The following ETV6 variants were observed in gnomAD, a reference collection of about 807,000 sequenced individuals.
ETV6 encodes ETS variant transcription factor 6.
In ETV6, 16 loss-of-function variants were observed where a neutral mutation model predicts 51.1. The observed-to-expected ratio is 0.31, with a 90% CI of 0.21 to 0.48. The LOEUF is 0.48. Among genes scored for constraint, ETV6 ranks in the 20% least tolerant of loss-of-function variants. The pLI, the probability that ETV6 is intolerant of heterozygous loss-of-function variation, is 0.99. For missense variants in ETV6, 458 were observed against 594.8 expected (o/e 0.77, Z 2.39); for synonymous variants, 240 against 224.1 (o/e 1.07, Z -0.64).
intron 1 of ETV6, among the ~76,000 whole-genome samples, chr12:11,671,843 T>G (rs766979016): frequency 2.6e-5 from 4 of 152,168 alleles, no homozygotes; most frequent in Non-Finnish European, 4.4e-5. Context: ...AATAACAGAT[T>G]GGTTCAAGTC....
chr12:11,687,901 C>G (rs1459691163), intron 1 of ETV6, among the ~76,000 whole-genome samples: 1 of 152,234 alleles, frequency 6.6e-6, no homozygotes, highest in Non-Finnish European at 1.5e-5. Context: ...ATGGTAGCAA[C>G]AGCAGCCAGC....
intron 1 of ETV6, among the ~76,000 whole-genome samples, chr12:11,689,635 G>A (rs992198577): frequency 6.6e-6 from 1 of 151,864 alleles, no homozygotes; most frequent in African/African-American, 2.4e-5. Flanking sequence ...AAAATAAGCT[G>A]GCATCAACTG....
chr12:11,812,983 C>T lies in ETV6; in HGVS notation c.164-26157C>T, dbSNP rs547236051. Among the ~76,000 whole-genome samples, 5 of 152,224 alleles carry T rather than the reference C, an allele frequency of 3.3e-5. No individual in the cohort carries two copies. In the South Asian group the frequency reaches 8.3e-4, roughly 25 times the overall value. On this transcript the variant is annotated intron_variant, in intron 2 of 7. Transcript: ENST00000396373. ...CCGGAGGCCCCAGGAACCCTGGCTG[C>T]GGTGACCCGGTGCTGGGGAGGGAGT...
chr12:11,680,176 A>C (rs1258746297), intron 1 of ETV6, among the ~76,000 whole-genome samples: 1 of 152,220 alleles, frequency 6.6e-6, no homozygotes, highest in African/African-American at 2.4e-5. Flanking sequence ...CAGCTATCTG[A>C]GGCATTCCCA....
chr12:11,738,154 T>C (rs1865739148), intron 1 of ETV6, among the ~76,000 whole-genome samples: 1 of 152,110 alleles, frequency 6.6e-6, no homozygotes, highest in African/African-American at 2.4e-5. Flanking sequence ...ATAGAAAGCC[T>C]ATGCTGCTCT....
At chr12:11,711,646 T>C (rs549970155) in intron 1 of ETV6, among the ~76,000 whole-genome samples, 6 of 152,230 alleles carry the variant, frequency 3.9e-5, no homozygotes, top group Non-Finnish European at 5.9e-5. Flanking sequence ...TTTCCAAACA[T>C]TTATCCTTAA....
At chr12:11,746,779 T>G (rs1158098157) in intron 1 of ETV6, among the ~76,000 whole-genome samples, 4 of 121,902 alleles carry the variant, frequency 3.3e-5, no homozygotes, top group Non-Finnish European at 6.6e-5. Context: ...TTGCTAATGC[T>G]CTCTCTCTCT....
chr12:11,681,885 C>A (rs1864537432), intron 1 of ETV6, among the ~76,000 whole-genome samples: 1 of 152,170 alleles, frequency 6.6e-6, no homozygotes, highest in Admixed American at 6.5e-5. Context: ...CATGTTCCTG[C>A]AAAGGACATG....
At chr12:11,669,578 A>G (rs1352836858) in intron 1 of ETV6, among the ~76,000 whole-genome samples, 2 of 151,450 alleles carry the variant, frequency 1.3e-5, no homozygotes, top group Non-Finnish European at 2.9e-5. Context: ...CCTGTGGCGC[A>G]GTACTTCCTT....
intron 1 of ETV6, among the ~76,000 whole-genome samples, chr12:11,694,456 T>C (rs1349793712): frequency 6.6e-6 from 1 of 152,228 alleles, no homozygotes; most frequent in Non-Finnish European, 1.5e-5. Flanking sequence ...CCAATGGCCA[T>C]GTTTAAACCA....
intron 5 of ETV6, among the ~76,000 whole-genome samples, chr12:11,874,964 G>A (rs1275481077): frequency 1.3e-5 from 2 of 150,998 alleles, no homozygotes; most frequent in African/African-American, 2.4e-5. Flanking sequence ...GTTAATGGGT[G>A]CAGCACACCA....
At chr12:11,807,018 T>G (rs1031526476) in intron 2 of ETV6, among the ~76,000 whole-genome samples, 1 of 152,260 alleles carries the variant, frequency 6.6e-6, no homozygotes, top group African/African-American at 2.4e-5. Flanking sequence ...ATTGTCACAT[T>G]GAAGATTATC....
At chr12:11,809,854 G>A (rs575348037) in intron 2 of ETV6, among the ~76,000 whole-genome samples, 2 of 119,666 alleles carry the variant, frequency 1.7e-5, no homozygotes, top group East Asian at 5.1e-4. Flanking sequence ...GAGTCTTGCT[G>A]TGTCACCCAG....
chr12:11,769,619 C>T (rs1040645191), intron 2 of ETV6, among the ~76,000 whole-genome samples: 3 of 152,230 alleles, frequency 2.0e-5, no homozygotes, highest in South Asian at 4.1e-4. Context: ...TTTCATTGGC[C>T]TATAGCAGCC....
intron 2 of ETV6, among the ~76,000 whole-genome samples, chr12:11,789,327 ATTTCTTGTTTTAATGTCCTTCTTACTT>A (rs1945545058): frequency 6.6e-6 from 1 of 151,928 alleles, no homozygotes; most frequent in Non-Finnish European, 1.5e-5. Flanking sequence ...CCACGATCGT[ATTTCTTGTTTTAATGTCCTTCTTACTT>A]GGTTTTTTAT....
At chr12:11,651,747 G>A (rs924395222) in intron 1 of ETV6, among the ~76,000 whole-genome samples, 1 of 152,136 alleles carries the variant, frequency 6.6e-6, no homozygotes, top group Admixed American at 6.5e-5. Context: ...CTAAATAGTA[G>A]GATATTCAAT....
chr12:11,816,251 T>A (rs2136427666), intron 2 of ETV6, among the ~76,000 whole-genome samples: 1 of 152,326 alleles, frequency 6.6e-6, no homozygotes, highest in East Asian at 1.9e-4. Flanking sequence ...ATGTTTTTGT[T>A]GTTGTTGTTG....
intron 5 of ETV6, among the ~76,000 whole-genome samples, chr12:11,877,897 C>G (rs1242979516): frequency 6.6e-6 from 1 of 152,206 alleles, no homozygotes; most frequent in South Asian, 2.1e-4. Flanking sequence ...CTACGTGTCA[C>G]TGTCCCCCCC....
In ETV6 at chr12:11,702,349, T is replaced by C. The variant is rs1171273571; in HGVS notation, c.34-50101T>C. 2.0e-5 allele frequency among the ~76,000 whole-genome samples: 3 copies of C among 152,170 alleles called. No individual in the cohort carries two copies. The South Asian group carries it at 6.2e-4, about 31-fold the overall frequency. On this transcript the variant is annotated intron_variant, in intron 1 of 7. Transcript: ENST00000396373. ...AGTTTAGAGGTCTGTTTTTAGAACA[T>C]TTCTCCGATCTTATTATACCCATAG... is the stretch of plus-strand genomic sequence containing the variant.
Sources: gnomAD v4.1 joint callset for allele counts (sites outside exome capture counted in the v4.1 genomes callset) on GRCh38, gnomAD v4.1.1 for gene constraint, MANE v1.5 for transcripts, NCBI Gene and HGNC (gene_info 2026-07-23, HGNC 2026-07-21) for gene names.